The following HKDC1 variants were observed in gnomAD, a reference collection of about 807,000 sequenced individuals.
HKDC1 encodes the protein hexokinase HKDC1.
HKDC1 carries 66 observed loss-of-function variants against 96.6 expected under a neutral mutation model. The observed-to-expected ratio is 0.68, with a 90% CI of 0.56 to 0.84. HKDC1 has a LOEUF of 0.84. Among genes scored for constraint, HKDC1 ranks in the 40% least tolerant of loss-of-function variants. The pLI, the probability that HKDC1 is intolerant of heterozygous loss-of-function variation, is 0.00. For synonymous variants in HKDC1, 466 were observed against 473.1 expected, an observed-to-expected ratio of 0.98 and a Z score of 0.20; for missense variants, 1,211 against 1,208.1, an observed-to-expected ratio of 1.00 and a Z score of -0.04.
At position 69,250,429 on chromosome 10, in the gene HKDC1, TGAG is replaced by T. The variant is rs1207145637; in HGVS notation, c.1715_1716+1del. 3.1e-6 allele frequency: 5 copies of T among 1,613,108 alleles called. No individual in the cohort carries two copies. Among genetic ancestry groups the T allele is most frequent in the Middle Eastern group, 3.3e-4 (2 of 6,052 alleles). ...CCCTGGAGATCATGCAGGGCACTGG[TGAG>T]GAGGTAAGTGCCAGGCAAGGCCTTT... is the stretch of plus-strand genomic sequence containing the variant. On this transcript the variant is annotated inframe_deletion, in exon 11 of 18. Transcript: ENST00000354624.
chr10:69,256,630 C>T (rs961190735), intron 12 of HKDC1, among the ~76,000 whole-genome samples: 24 of 152,060 alleles, frequency 1.6e-4, no homozygotes, highest in African/African-American at 5.1e-4. Context: ...ATTGCTTGAA[C>T]CCGGGAAGTG....
chr10:69,236,720 C>T (rs1843367151), intron 4 of HKDC1, among the ~76,000 whole-genome samples: 1 of 150,494 alleles, frequency 6.6e-6, no homozygotes, highest in Non-Finnish European at 1.5e-5. Context: ...GCGGAGGTTG[C>T]AGTGAGCTGA....
intron 8 of HKDC1, among the ~76,000 whole-genome samples, chr10:69,246,922 C>T (rs1843550020): frequency 6.6e-6 from 1 of 152,254 alleles, no homozygotes; most frequent in South Asian, 2.1e-4. Flanking sequence ...TATGTCTATG[C>T]AGAACTTGGC....
intron 6 of HKDC1, among the ~76,000 whole-genome samples, 167 bp downstream of exon 6, chr10:69,240,918 C>T (rs1320735698): frequency 6.6e-6 from 1 of 152,166 alleles, no homozygotes; most frequent in Non-Finnish European, 1.5e-5. Flanking sequence ...CAAGTGTTTA[C>T]TGAGCACCCA....
intron 1 of HKDC1, among the ~76,000 whole-genome samples, chr10:69,222,304 C>T (rs1256414224): frequency 1.3e-5 from 2 of 152,176 alleles, no homozygotes; most frequent in African/African-American, 4.8e-5. Flanking sequence ...CCACTAAATT[C>T]TATTCATTTA....
At chr10:69,247,943 A>G (rs1265800269) in intron 9 of HKDC1, among the ~76,000 whole-genome samples, 1 of 152,148 alleles carries the variant, frequency 6.6e-6, no homozygotes, top group Non-Finnish European at 1.5e-5. Flanking sequence ...TAAGGCTGGG[A>G]AGTAAGATAC....
At chr10:69,254,328 T>A (rs75250047) in intron 12 of HKDC1, among the ~76,000 whole-genome samples, 28,232 of 152,016 alleles carry the variant, frequency 0.19, 3,319 homozygotes, top group Non-Finnish European at 0.25. Context: ...AAAATTTTTT[T>A]AACCATTTTC....
chr10:69,235,016 A>T (rs1174208907), intron 4 of HKDC1, among the ~76,000 whole-genome samples: 1 of 152,140 alleles, frequency 6.6e-6, no homozygotes, highest in African/African-American at 2.4e-5. Flanking sequence ...TAATCCCAGC[A>T]CCCTGGGAGG....
chr10:69,256,740 T>C (rs1843721541), intron 12 of HKDC1, among the ~76,000 whole-genome samples: 2 of 151,494 alleles, frequency 1.3e-5, no homozygotes, highest in African/African-American at 4.8e-5. Context: ...AAAGAAGAAG[T>C]AGGATCACTA....
chr10:69,246,249 C>T lies in HKDC1; in HGVS notation c.1031+15C>T, dbSNP rs367846017. The T allele has an allele frequency of 2.5e-6, 4 of 1,612,532 alleles. No individual in the cohort carries two copies. In the African/African-American group the frequency reaches 4.0e-5, roughly 16 times the overall value. ...GCCATGGAGAAGTAAGCAAGTCCCT[C>T]TGCCTTGGCTCTGTGGAGGGCTGGG... On this transcript the variant is annotated intron_variant, in intron 8 of 17. Transcript: ENST00000354624.
At chr10:69,246,344 C>G in intron 8 of HKDC1, 110 bp downstream of exon 8, 1 of 1,231,670 alleles carries the variant, frequency 8.1e-7, no homozygotes, top group Non-Finnish European at 1.2e-6. Context: ...CCTCCTTCAC[C>G]AGGAAGATTT....
chr10:69,254,715 T>A (rs1464262006), intron 12 of HKDC1, among the ~76,000 whole-genome samples: 3 of 152,160 alleles, frequency 2.0e-5, no homozygotes, highest in Non-Finnish European at 4.4e-5. Context: ...GGCACATCCA[T>A]ATAAATGGCC....
chr10:69,224,138 G>A (rs887216719), intron 1 of HKDC1, among the ~76,000 whole-genome samples: 7 of 151,506 alleles, frequency 4.6e-5, no homozygotes, highest in African/African-American at 1.7e-4. Context: ...AGCCCGGGAG[G>A]TTGAGGTTGC....
At chr10:69,235,268 A>T (rs897240519) in intron 4 of HKDC1, among the ~76,000 whole-genome samples, 4 of 151,926 alleles carry the variant, frequency 2.6e-5, no homozygotes, top group Non-Finnish European at 5.9e-5. Flanking sequence ...TTAAAAATAC[A>T]AAAATTAGCT....
chr10:69,254,657 T>A (rs1027793), intron 12 of HKDC1, among the ~76,000 whole-genome samples: 32,351 of 152,160 alleles, frequency 0.21, 4,422 homozygotes, highest in Non-Finnish European at 0.3. Flanking sequence ...TGTGGTTTTA[T>A]TTTCGTGCAA....
rs1335984623 is a variant in HKDC1 at position 69,250,432 on chromosome 10, G to A, written c.1713G>A (p.Glu571=). The A allele has an allele frequency of 4.3e-6, 7 of 1,612,904 alleles. No homozygotes were observed. The highest frequency in any genetic ancestry group is 2.7e-5 in the African/African-American group (2 of 74,926). The change falls in exon 11 of 18, where the codon GAG becomes GAA. Residue 571 remains glutamate, a synonymous_variant. Coordinates refer to ENST00000354624, the MANE Select transcript of HKDC1 (RefSeq NM_025130.4). ...TGGAGATCATGCAGGGCACTGGTGA[G>A]GAGGTAAGTGCCAGGCAAGGCCTTT... The part of the protein sequence containing the change: ...IPLEIMQGTG[E]ELFDHIVQCI...
intron 6 of HKDC1, among the ~76,000 whole-genome samples, chr10:69,241,933 G>A (rs1843461487): frequency 6.6e-6 from 1 of 152,210 alleles, no homozygotes; most frequent in Non-Finnish European, 1.5e-5. Flanking sequence ...TCGTGGTGCA[G>A]TGGGGGTTTC....
chr10:69,232,984 C>A lies in HKDC1; in HGVS notation c.376-30C>A, dbSNP rs1589404901. On this transcript the variant is annotated intron_variant, in intron 3 of 17. Coordinates refer to ENST00000354624, the MANE Select transcript of HKDC1 (RefSeq NM_025130.4). ...CGTGTGTGGGGAAACCACACCTTAG[C>A]CCATGTACTTTGCTTTCTCTTCTCT... The A allele has an allele frequency of 2.5e-6, 4 of 1,613,208 alleles. No individual in the cohort carries two copies. The East Asian group carries it at 8.9e-5, about 36-fold the overall frequency.
Position 69,243,173 on chromosome 10 carries a change from C to T in HKDC1, c.692-9C>T. 1 of 1,614,110 alleles carries T rather than the reference C, an allele frequency of 6.2e-7. No individual in the cohort carries two copies. The highest frequency in any genetic ancestry group is 1.1e-5 in the South Asian group (1 of 91,076). On this transcript the variant is annotated splice_polypyrimidine_tract_variant and intron_variant, in intron 6 of 17. Transcript: ENST00000354624. ...TCTCTCTGCATATTCTCTCTGATCC[C>T]TGGTTCAGGAACTGGCACCAATGCG...
Sources: gnomAD v4.1 joint callset for allele counts (sites outside exome capture counted in the v4.1 genomes callset) on GRCh38, gnomAD v4.1.1 for gene constraint, MANE v1.5 for transcripts, NCBI Gene and HGNC (gene_info 2026-07-23, HGNC 2026-07-21) for gene names.